The following STK31 variants were observed in gnomAD, a reference collection of about 807,000 sequenced individuals.
The protein encoded by STK31 is serine/threonine-protein kinase 31.
STK31 carries 89 observed loss-of-function variants against 129.7 expected under a neutral mutation model. The observed-to-expected ratio is 0.69, with a 90% CI of 0.58 to 0.82. The LOEUF is 0.82. STK31 is among the 40% of genes least tolerant of loss of function. The probability of loss-of-function intolerance (pLI) is 0.00; values close to 1 mark genes in which losing one functional copy is unlikely to be tolerated. For synonymous variants in STK31, 448 were observed against 395.3 expected (o/e 1.13, Z -1.58); for missense variants, 1,187 against 1,176.4 (o/e 1.01, Z -0.13).
At chr7:23,813,469 A>T (rs1793275727) in intron 22 of STK31, among the ~76,000 whole-genome samples, 1 of 152,078 alleles carries the variant, frequency 6.6e-6, no homozygotes, top group African/African-American at 2.4e-5. Context: ...GACATTTTGG[A>T]TACTATTTTA....
chr7:23,817,420 TA>T (rs75267654), intron 23 of STK31, among the ~76,000 whole-genome samples: 66,333 of 151,926 alleles, frequency 0.44, 14,839 homozygotes, highest in Admixed American at 0.52. Flanking sequence ...AAGTTCAAAT[TA>T]TAAAAATCTT....
chr7:23,782,252 C>T (rs1790974491), intron 16 of STK31, among the ~76,000 whole-genome samples: 1 of 151,790 alleles, frequency 6.6e-6, no homozygotes, highest in African/African-American at 2.4e-5. Flanking sequence ...GCGGGCGGAT[C>T]ACTTGAGCCC....
intron 6 of STK31, among the ~76,000 whole-genome samples, chr7:23,730,880 T>TATA (rs1562555173): frequency 0.012 from 486 of 40,014 alleles, 3 homozygotes; most frequent in African/African-American, 0.035. Context: ...ATATATATAT[T>TATA]TTTTTTTTTT....
chr7:23,752,695 A>G lies in STK31; in HGVS notation c.1018-22A>G, dbSNP rs1187871458. The G allele has an allele frequency of 1.9e-6, 3 of 1,546,138 alleles. No homozygotes were observed. The Admixed American group carries it at 5.0e-5, about 26-fold the overall frequency. On this transcript the variant is annotated intron_variant, in intron 8 of 23. Coordinates refer to ENST00000355870, the MANE Select transcript of STK31 (RefSeq NM_031414.5). ...AGTTTCCTATTTGGGTCTCACGAGA[A>G]TGTGTTTATTCTTTGTTTCAGCAAG... is the stretch of plus-strand genomic sequence containing the variant.
intron 4 of STK31, among the ~76,000 whole-genome samples, chr7:23,720,408 AC>A (rs1260193489): frequency 6.6e-6 from 1 of 152,192 alleles, no homozygotes; most frequent in Non-Finnish European, 1.5e-5. Flanking sequence ...CTACTTAGAG[AC>A]AGCCAGGAAG....
chr7:23,751,081 A>G (rs559110109), intron 8 of STK31, among the ~76,000 whole-genome samples: 1 of 152,300 alleles, frequency 6.6e-6, no homozygotes, highest in South Asian at 2.1e-4. Context: ...TACCTCCATG[A>G]GATCAACTTT....
chr7:23,825,066 G>T (rs145214522), intron 23 of STK31, among the ~76,000 whole-genome samples: 115,523 of 151,694 alleles, frequency 0.76, 44,596 homozygotes, highest in African/African-American at 0.88. Flanking sequence ...TGTCTTTTTT[G>T]GTTGTGTCTC....
At chr7:23,740,034 A>G (rs1787960823) in intron 8 of STK31, among the ~76,000 whole-genome samples, 2 of 152,210 alleles carry the variant, frequency 1.3e-5, no homozygotes, top group Admixed American at 1.3e-4. Flanking sequence ...TTTGATGGGA[A>G]TAGAATTGAA....
At chr7:23,723,356 A>G (rs185654381) in intron 4 of STK31, among the ~76,000 whole-genome samples, 1 of 152,206 alleles carries the variant, frequency 6.6e-6, no homozygotes, top group South Asian at 2.1e-4. Flanking sequence ...CTATGTCTAT[A>G]AAAATTAGCC....
At chr7:23,711,889 G>A (rs766362436) in intron 1 of STK31, among the ~76,000 whole-genome samples, 16 of 152,166 alleles carry the variant, frequency 1.1e-4, no homozygotes, top group East Asian at 1.9e-4. Context: ...TTTAAGGATA[G>A]AGATTATATA....
chr7:23,716,779 C>A (rs915416585), intron 3 of STK31, among the ~76,000 whole-genome samples: 1 of 142,966 alleles, frequency 7.0e-6, no homozygotes, highest in Non-Finnish European at 1.5e-5. Flanking sequence ...TAAACGTCTC[C>A]TATTCTTTTT....
At chr7:23,747,367 T>TTTTTA (rs149280848) in intron 8 of STK31, among the ~76,000 whole-genome samples, 6 of 150,606 alleles carry the variant, frequency 4.0e-5, no homozygotes, top group Middle Eastern at 3.4e-3. Context: ...TTCAGATTAT[T>TTTTTA]TTTTTATTTT....
chr7:23,791,041 A>T, intron 22 of STK31, 95 bp downstream of exon 22: 1 of 1,140,272 alleles, frequency 8.8e-7, no homozygotes, highest in Non-Finnish European at 1.1e-6. Flanking sequence ...AATAAAAAGC[A>T]GCAGACTTTT....
chr7:23,715,486 G>A (rs990034446), intron 3 of STK31, among the ~76,000 whole-genome samples: 3 of 151,734 alleles, frequency 2.0e-5, no homozygotes, highest in Non-Finnish European at 4.4e-5. Context: ...AGGCATGGTG[G>A]TGCATGCTTG....
chr7:23,716,351 T>A (rs1182389372), intron 3 of STK31, among the ~76,000 whole-genome samples: 1 of 152,176 alleles, frequency 6.6e-6, no homozygotes. Flanking sequence ...TACCTTCTTA[T>A]TGATGATAAC....
intron 23 of STK31, among the ~76,000 whole-genome samples, chr7:23,822,444 T>C (rs1222036412): frequency 6.6e-6 from 1 of 152,184 alleles, no homozygotes; most frequent in Admixed American, 6.5e-5. Context: ...TAGTTCATTA[T>C]TGGTTTATAG....
In STK31 at chr7:23,740,859, A is replaced by G. The variant is rs1788016836; in HGVS notation, c.1017+3781A>G. ...TTTTTGGCCAGGTGCTGTATTTCTT[A>G]GCTGGAAAATTTCAACTATTTAGTC... On this transcript the variant is annotated intron_variant, in intron 8 of 23. Coordinates refer to ENST00000355870, the MANE Select transcript of STK31 (RefSeq NM_031414.5). Among the ~76,000 whole-genome samples, 5 of 152,190 alleles carry G rather than the reference A, an allele frequency of 3.3e-5. No individual in the cohort carries two copies. The South Asian group carries it at 1.0e-3, about 32-fold the overall frequency.
chr7:23,746,917 A>ATTTTTTTTTTTT (rs1562567948), intron 8 of STK31, among the ~76,000 whole-genome samples: 4 of 152,040 alleles, frequency 2.6e-5, no homozygotes. Flanking sequence ...TAAACTTTTT[A>ATTTTTTTTTTTT]CTTTTTTTTC....
intron 14 of STK31, chr7:23,771,516 T>C (rs1444798557): frequency 1.3e-5 from 2 of 153,778 alleles, no homozygotes; most frequent in East Asian, 3.8e-4. Context: ...CATTGTTTTT[T>C]AAGTTACTTC....
Sources: allele counts gnomAD v4.1 joint callset (sites outside exome capture counted in the v4.1 genomes callset), GRCh38; gene constraint gnomAD v4.1.1; transcripts MANE v1.5; gene names NCBI Gene and HGNC (gene_info 2026-07-23, HGNC 2026-07-21).